Variants in RNF14 observed in about 807,000 individuals in gnomAD.
The protein encoded by RNF14 is E3 ubiquitin-protein ligase RNF14.
RNF14 carries 26 observed loss-of-function variants against 52.6 expected under a neutral mutation model. The observed-to-expected ratio is 0.49, with a 90% CI of 0.36 to 0.69. The LOEUF (loss-of-function observed/expected upper bound fraction) is 0.69, where lower values mean the gene tolerates loss of function less well. Among genes scored for constraint, RNF14 ranks in the 30% least tolerant of loss-of-function variants. The pLI, the probability that RNF14 is intolerant of heterozygous loss-of-function variation, is 0.00. For synonymous variants in RNF14, 194 were observed against 202.0 expected (o/e 0.96, Z 0.34); for missense variants, 404 against 560.4 (o/e 0.72, Z 2.82).
intron 5 of RNF14, among the ~76,000 whole-genome samples, chr5:141,979,231 TGG>T (rs1491477128): frequency 0.011 from 485 of 42,522 alleles, 4 homozygotes; most frequent in South Asian, 0.062. Flanking sequence ...TAGGTGGTGG[TGG>T]TGTTGTTGTT....
At chr5:141,958,008 G>T, upstream of RNF14, 1 of 831,320 alleles carries the variant, frequency 1.2e-6, no homozygotes, top group Non-Finnish European at 1.8e-6. Context: ...TATGAAACAA[G>T]CAGGACCCCA....
At chr5:141,973,466 G>T in intron 2 of RNF14, 117 bp from the exon 3 acceptor site, 1 of 689,870 alleles carries the variant, frequency 1.4e-6, no homozygotes, top group Non-Finnish European at 2.3e-6. Flanking sequence ...TTGAACTCCT[G>T]ACCTCAGGTG....
the RNF14 span, chr5:141,951,620 A>C: frequency 6.6e-7 from 1 of 1,512,238 alleles, no homozygotes; most frequent in Non-Finnish European, 9.2e-7. Flanking sequence ...TGTTGACTCC[A>C]CACAATTCCG....
At chr5:141,982,564 A>G (rs979450029) in intron 6 of RNF14, 2 of 152,258 alleles carry the variant, frequency 1.3e-5, no homozygotes, top group African/African-American at 4.8e-5. Context: ...AGGTAATACA[A>G]CTGTGAACAA....
chr5:141,957,759 C>T (rs902023285), upstream of RNF14: 35 of 1,611,932 alleles, frequency 2.2e-5, no homozygotes, highest in African/African-American at 2.4e-4. The surrounding 1 kb of genome is among the most constrained non-coding windows in gnomAD (Gnocchi z 4.3). Flanking sequence ...GGTATTTCAC[C>T]GTGAGAGTGG....
the RNF14 span, among the ~76,000 whole-genome samples, chr5:141,950,911 G>T: frequency 6.6e-6 from 1 of 152,166 alleles, no homozygotes; most frequent in African/African-American, 2.4e-5. Context: ...AAGGGAAATG[G>T]GATGGGTTCT....
At chr5:141,987,076 G>A (rs1755302540) in intron 8 of RNF14, among the ~76,000 whole-genome samples, 1 of 152,184 alleles carries the variant, frequency 6.6e-6, no homozygotes, top group Non-Finnish European at 1.5e-5. Context: ...CTGCAGAAGG[G>A]AGGGGCAGCA....
intron 3 of RNF14, 119 bp from the exon 4 acceptor site, chr5:141,974,685 T>G: frequency 1.1e-6 from 1 of 925,032 alleles, no homozygotes; most frequent in Non-Finnish European, 1.6e-6. Flanking sequence ...GAAAGTGCTT[T>G]GGGGGAGGGT....
chr5:141,955,053 C>T, upstream of RNF14: 1 of 1,614,238 alleles, frequency 6.2e-7, no homozygotes, highest in African/African-American at 1.3e-5. This position sits in a 1 kb window ranked among gnomAD's most constrained non-coding sequence, Gnocchi z 5.5. Context: ...GGACCAGGCT[C>T]CGCAGGATCT....
At chr5:141,954,875 G>A, upstream of RNF14, 4 of 1,452,670 alleles carry the variant, frequency 2.8e-6, no homozygotes, top group Non-Finnish European at 3.7e-6. Flanking sequence ...TGAGCCTAAG[G>A]AAGAAACATG....
Position 141,989,168 on chromosome 5 carries a change from A to T in RNF14, c.*1378A>T, listed in dbSNP as rs1387286733. The stretch of plus-strand genomic sequence containing the variant: ...TTAGTCTTAAAATAAAAATAAATTT[A>T]AAAATCATCTTATAATTAGAACAGA... On this transcript the variant is annotated 3_prime_UTR_variant, in exon 9 of 9. Transcript: ENST00000394520. The T allele has an allele frequency of 2.0e-5, 3 of 152,322 alleles. No individual in the cohort carries two copies. Among genetic ancestry groups the T allele is most frequent in the Non-Finnish European group, 4.4e-5 (3 of 68,050 alleles). The allele number at this position is 152,322 out of a possible 1,614,324, so 9.4% of individuals were successfully genotyped here. A position where few individuals can be genotyped will look rare whatever the true frequency, so the allele number is the denominator to read the frequency against.
At chr5:141,982,517 T>C (rs1226690197) in intron 6 of RNF14, 1 of 152,264 alleles carries the variant, frequency 6.6e-6, no homozygotes, top group Non-Finnish European at 1.5e-5. Context: ...TAGAACATTG[T>C]TGAGAAAACT....
At chr5:141,974,737 T>C in intron 3 of RNF14, 67 bp from the exon 4 acceptor site, 1 of 1,463,452 alleles carries the variant, frequency 6.8e-7, no homozygotes, top group Non-Finnish European at 9.5e-7. Context: ...TCTTGAGCGC[T>C]GCTCAACAGT....
At chr5:141,979,947 T>C (rs1264276129) in intron 5 of RNF14, among the ~76,000 whole-genome samples, 176 bp from the exon 6 acceptor site, 1 of 152,152 alleles carries the variant, frequency 6.6e-6, no homozygotes, top group African/African-American at 2.4e-5. Context: ...TTTTAACAAA[T>C]GTGTAGACCC....
At chr5:141,961,487 G>T (rs1459398560) in intron 1 of RNF14, among the ~76,000 whole-genome samples, 1 of 152,162 alleles carries the variant, frequency 6.6e-6, no homozygotes, top group Admixed American at 6.5e-5. Flanking sequence ...GCAGTCAAAT[G>T]CCAAGGGGTG....
intron 2 of RNF14, among the ~76,000 whole-genome samples, chr5:141,973,026 C>T (rs1275231544): frequency 6.6e-6 from 1 of 152,144 alleles, no homozygotes; most frequent in East Asian, 1.9e-4. Context: ...TGCTTTTTTT[C>T]CTCTAATTCA....
chr5:141,956,265 G>A (rs534866419), upstream of RNF14: 22 of 1,614,196 alleles, frequency 1.4e-5, no homozygotes, highest in East Asian at 2.2e-5. Context: ...ACTCAAAGCC[G>A]GCCATCTCTT....
intron 3 of RNF14, among the ~76,000 whole-genome samples, chr5:141,973,994 A>C (rs1315294895): frequency 6.6e-6 from 1 of 152,250 alleles, no homozygotes; most frequent in Non-Finnish European, 1.5e-5. Context: ...CTAGCAGTTT[A>C]TCAGCCATGA....
upstream of RNF14, chr5:141,956,528 C>A: frequency 1.9e-6 from 3 of 1,614,232 alleles, no homozygotes; most frequent in Middle Eastern, 1.6e-4. Flanking sequence ...TGTTTCTTGG[C>A]TGATAAGGGC....
Sources: gnomAD v4.1 joint callset for allele counts (sites outside exome capture counted in the v4.1 genomes callset) on GRCh38, gnomAD v4.1.1 for gene constraint, Gnocchi (gnomAD v3.1) non-coding constraint, MANE v1.5 for transcripts, NCBI Gene and HGNC (gene_info 2026-07-23, HGNC 2026-07-21) for gene names.